The following CSMD1 variants were observed in gnomAD, a reference collection of about 807,000 sequenced individuals.
The protein encoded by CSMD1 is CUB and sushi domain-containing protein 1.
In CSMD1, 213 loss-of-function variants were observed where a neutral mutation model predicts 417.5. That is an observed-to-expected ratio of 0.51 (90% CI 0.46 to 0.57). CSMD1 has a LOEUF of 0.57. CSMD1 is among the 20% of genes least tolerant of loss of function. CSMD1 has a pLI of 0.00. For missense variants in CSMD1, 6,923 were observed against 4,529.7 expected (o/e 1.53, Z -15.17); for synonymous variants, 2,862 against 1,736.8 (o/e 1.65, Z -16.11).
intron 2 of CSMD1, among the ~76,000 whole-genome samples, chr8:4,551,366 A>G (rs918675880): frequency 7.9e-5 from 12 of 152,118 alleles, no homozygotes; most frequent in Non-Finnish European, 1.6e-4. Flanking sequence ...ACACCATTTC[A>G]TCCACTACCC....
intron 3 of CSMD1, among the ~76,000 whole-genome samples, chr8:4,056,050 G>C (rs1014100200): frequency 1.4e-5 from 2 of 147,074 alleles, no homozygotes; most frequent in South Asian, 4.3e-4. Context: ...ACTCAACCCT[G>C]AATCTCTGTT....
intron 35 of CSMD1, among the ~76,000 whole-genome samples, chr8:3,188,242 A>G (rs974925046): frequency 7.9e-5 from 1 of 12,690 alleles, no homozygotes; most frequent in Non-Finnish European, 1.8e-4. Flanking sequence ...ATACATGGCA[A>G]AATTTAAAAA....
At chr8:3,917,416 AACACACAC>A (rs56102573) in intron 5 of CSMD1, among the ~76,000 whole-genome samples, 7 of 150,044 alleles carry the variant, frequency 4.7e-5, no homozygotes, top group East Asian at 2.0e-4. Context: ...TATACCACGA[AACACACAC>A]ACACACACAC....
At chr8:3,594,607 C>T (rs1047516689) in intron 8 of CSMD1, among the ~76,000 whole-genome samples, 4 of 152,166 alleles carry the variant, frequency 2.6e-5, no homozygotes, top group African/African-American at 9.7e-5. Flanking sequence ...CGGTGTCCTT[C>T]CCCAGTAGAT....
At chr8:4,494,725 T>C (rs916913228) in intron 2 of CSMD1, among the ~76,000 whole-genome samples, 1 of 152,186 alleles carries the variant, frequency 6.6e-6, no homozygotes, top group Admixed American at 6.5e-5. Context: ...GGGTTAAGTA[T>C]GCAAAAATGG....
intron 8 of CSMD1, among the ~76,000 whole-genome samples, chr8:3,605,613 C>T (rs754128477): frequency 5.9e-5 from 9 of 151,938 alleles, no homozygotes; most frequent in East Asian, 1.9e-4. Context: ...TTTCTCCTTC[C>T]GTTTGATGAC....
chr8:3,924,937 C>A (rs185817192), intron 5 of CSMD1, among the ~76,000 whole-genome samples: 5 of 151,994 alleles, frequency 3.3e-5, no homozygotes, highest in Admixed American at 6.6e-5. Context: ...TTTTTTCTCT[C>A]TTCCTTGAAG....
At chr8:3,812,003 A>G (rs993955225) in intron 5 of CSMD1, among the ~76,000 whole-genome samples, 1 of 151,746 alleles carries the variant, frequency 6.6e-6, no homozygotes, top group African/African-American at 2.4e-5. Context: ...CCTAATTCAA[A>G]CCATTTACTA....
chr8:4,224,412 A>C (rs77998353), intron 3 of CSMD1, among the ~76,000 whole-genome samples: 3,333 of 152,296 alleles, frequency 0.022, 64 homozygotes, highest in Non-Finnish European at 0.034. Flanking sequence ...AGTCATATTT[A>C]AATACACCTA....
chr8:3,761,253 G>GTA (rs1797981190), intron 5 of CSMD1, among the ~76,000 whole-genome samples: 1 of 152,130 alleles, frequency 6.6e-6, no homozygotes, highest in African/African-American at 2.4e-5. Context: ...ATGTGTGTGT[G>GTA]TATACACACA....
chr8:4,731,400 C>G (rs1414928448), intron 1 of CSMD1, among the ~76,000 whole-genome samples: 2 of 152,108 alleles, frequency 1.3e-5, no homozygotes, highest in African/African-American at 4.8e-5. Flanking sequence ...TGTGCAAGTA[C>G]TTTTCATATT....
At chr8:3,491,758 C>G (rs755885335) in intron 11 of CSMD1, among the ~76,000 whole-genome samples, 1 of 152,152 alleles carries the variant, frequency 6.6e-6, no homozygotes, top group African/African-American at 2.4e-5. Context: ...CAGACTGCAT[C>G]TTTTTACTAG....
chr8:3,832,353 G>C (rs1802426306), intron 5 of CSMD1, among the ~76,000 whole-genome samples: 1 of 152,100 alleles, frequency 6.6e-6, no homozygotes, highest in Admixed American at 6.6e-5. Context: ...CAAATCTCCT[G>C]TCTAAAATAT....
At chr8:3,835,315 T>A (rs1302049642) in intron 5 of CSMD1, among the ~76,000 whole-genome samples, 1 of 151,938 alleles carries the variant, frequency 6.6e-6, no homozygotes, top group Non-Finnish European at 1.5e-5. Context: ...CTTGGAACCA[T>A]CCCAAATGTC....
At chr8:2,961,959 G>A (rs190778951) in intron 61 of CSMD1, among the ~76,000 whole-genome samples, 192 of 152,074 alleles carry the variant, frequency 1.3e-3, no homozygotes, top group African/African-American at 4.2e-3. Context: ...ATATTTTCTA[G>A]GTGGATACTA....
chr8:3,696,515 G>A (rs1800562576), intron 7 of CSMD1, among the ~76,000 whole-genome samples: 1 of 152,164 alleles, frequency 6.6e-6, no homozygotes, highest in Admixed American at 6.5e-5. Context: ...AAATGCTAAA[G>A]CAAATCAATA....
At position 3,857,461 on chromosome 8, in the gene CSMD1, C is replaced by G. The variant is rs372385317; in HGVS notation, c.819-103419G>C. 4.6e-5 allele frequency among the ~76,000 whole-genome samples: 7 copies of G among 152,260 alleles called. No homozygotes were observed. The East Asian group carries it at 7.7e-4, about 17-fold the overall frequency. On this transcript the variant is annotated intron_variant, in intron 5 of 69. Transcript: ENST00000635120. The stretch of plus-strand genomic sequence containing the variant: ...AGCCAGATGGGACCTTGGAGAACTT[C>G]TGGACAAATATCCCACCTATATATA...
At chr8:3,952,852 G>C (rs1292736375) in intron 5 of CSMD1, among the ~76,000 whole-genome samples, 3 of 152,126 alleles carry the variant, frequency 2.0e-5, no homozygotes, top group African/African-American at 7.2e-5. Flanking sequence ...TGAATGCAGT[G>C]AAAATAAGAG....
chr8:4,693,767 C>G (rs1041988342), intron 1 of CSMD1, among the ~76,000 whole-genome samples: 1 of 18,304 alleles, frequency 5.5e-5, no homozygotes, highest in East Asian at 1.9e-3. Context: ...GCCCCAAATT[C>G]CTAGGCTCAA....
Sources: gnomAD v4.1 joint callset for allele counts (sites outside exome capture counted in the v4.1 genomes callset) on GRCh38, gnomAD v4.1.1 for gene constraint, MANE v1.5 for transcripts, NCBI Gene and HGNC (gene_info 2026-07-23, HGNC 2026-07-21) for gene names.